The following SLC16A12 variants were observed in gnomAD, a reference collection of about 807,000 sequenced individuals.
The protein encoded by SLC16A12 is monocarboxylate transporter 12.
Under a neutral mutation model 42.4 loss-of-function variants are expected in SLC16A12, and 17 were observed. That is an observed-to-expected ratio of 0.40 (90% CI 0.27 to 0.60). The LOEUF is 0.60. SLC16A12 is among the 20% of genes least tolerant of loss of function. SLC16A12 has a pLI of 0.42. For synonymous variants in SLC16A12, 224 were observed against 229.4 expected (o/e 0.98, Z 0.21); for missense variants, 544 against 623.0 (o/e 0.87, Z 1.35).
rs533725420 is a variant in SLC16A12, at chr10:89,483,108, T to C, written c.-46-20484A>G. ...CTTCCTGGCTTGAAGATGGCCACCT[T>C]TTTTTTTGCAATGTGCTCACGTGGC... On this transcript the variant is annotated intron_variant, in intron 2 of 7. Coordinates refer to ENST00000371790, the MANE Select transcript of SLC16A12 (RefSeq NM_213606.4). Among the ~76,000 whole-genome samples the C allele has an allele frequency of 4.6e-5, 7 of 151,982 alleles. No individual in the cohort carries two copies. The East Asian group carries it at 1.2e-3, about 25-fold the overall frequency.
At chr10:89,518,345 AC>A (rs1843290918) in intron 2 of SLC16A12, among the ~76,000 whole-genome samples, 3 of 152,270 alleles carry the variant, frequency 2.0e-5, no homozygotes, top group Admixed American at 2.0e-4. Flanking sequence ...CCAGCATGCC[AC>A]AAGCCTCACC....
At chr10:89,448,620 G>C (rs146863688) in intron 3 of SLC16A12, among the ~76,000 whole-genome samples, 2,643 of 152,206 alleles carry the variant, frequency 0.017, 79 homozygotes, top group African/African-American at 0.06. Context: ...AATAATAAGA[G>C]CTATTTATGA....
At chr10:89,538,077 C>T (rs1370615166), upstream of SLC16A12, among the ~76,000 whole-genome samples, 1 of 152,260 alleles carries the variant, frequency 6.6e-6, no homozygotes, top group African/African-American at 2.4e-5. Context: ...GACATAGCTG[C>T]TGACAGGCAG....
chr10:89,505,181 T>C (rs569475748), intron 2 of SLC16A12, among the ~76,000 whole-genome samples: 11 of 152,290 alleles, frequency 7.2e-5, no homozygotes, highest in South Asian at 2.1e-4. Context: ...ATAATTATTT[T>C]ATATACTTAT....
chr10:89,445,291 G>A (rs928243053), intron 3 of SLC16A12, among the ~76,000 whole-genome samples: 2 of 152,228 alleles, frequency 1.3e-5, no homozygotes, highest in African/African-American at 2.4e-5. Context: ...GTGGGTCCCT[G>A]ACCCCCGTGT....
At chr10:89,549,734 T>G (rs947614197) in intron 2 of SLC16A12, among the ~76,000 whole-genome samples, 3 of 152,206 alleles carry the variant, frequency 2.0e-5, no homozygotes, top group Non-Finnish European at 4.4e-5. Context: ...CAGACACACC[T>G]TTATTAGCCA....
intron 2 of SLC16A12, among the ~76,000 whole-genome samples, chr10:89,478,476 A>G (rs184723291): frequency 6.6e-6 from 1 of 152,224 alleles, no homozygotes; most frequent in Non-Finnish European, 1.5e-5. Flanking sequence ...GCAGCATTCT[A>G]GGGCTATGGT....
At chr10:89,474,265 C>T (rs1229959142) in intron 2 of SLC16A12, among the ~76,000 whole-genome samples, 1 of 152,116 alleles carries the variant, frequency 6.6e-6, no homozygotes, top group East Asian at 1.9e-4. Context: ...CTGTTTAACT[C>T]CCAGAGCAAG....
intron 2 of SLC16A12, among the ~76,000 whole-genome samples, chr10:89,496,510 C>G (rs1388923479): frequency 6.6e-6 from 1 of 151,974 alleles, no homozygotes; most frequent in Admixed American, 6.6e-5. Context: ...ACTAAGAAAA[C>G]AAGGGGAAAT....
chr10:89,537,761 T>C (rs956128375), upstream of SLC16A12, among the ~76,000 whole-genome samples: 6 of 152,254 alleles, frequency 3.9e-5, no homozygotes, highest in Non-Finnish European at 8.8e-5. Flanking sequence ...TTTAAAGTTT[T>C]GGAGACTAGG....
At chr10:89,542,372 G>A (rs556834763) in intron 2 of SLC16A12, among the ~76,000 whole-genome samples, 4 of 145,662 alleles carry the variant, frequency 2.7e-5, no homozygotes, top group African/African-American at 1.0e-4. Context: ...GTGTGATCTC[G>A]ACTCATGGCA....
intron 2 of SLC16A12, among the ~76,000 whole-genome samples, chr10:89,469,550 T>C (rs527249257): frequency 2.6e-5 from 4 of 152,212 alleles, no homozygotes; most frequent in Non-Finnish European, 4.4e-5. Context: ...TAGAACCACT[T>C]GTTTTGGAAG....
intron 2 of SLC16A12, among the ~76,000 whole-genome samples, chr10:89,498,872 A>C (rs966705955): frequency 2.6e-5 from 4 of 152,220 alleles, no homozygotes; most frequent in Non-Finnish European, 5.9e-5. Flanking sequence ...TAGATCCAAA[A>C]GAGAGATAAC....
chr10:89,473,492 G>A lies in SLC16A12; in HGVS notation c.-46-10868C>T, dbSNP rs377266660. On this transcript the variant is annotated intron_variant, in intron 2 of 7. Coordinates refer to ENST00000371790, the MANE Select transcript of SLC16A12 (RefSeq NM_213606.4). ...AGGGAAAAAAATCTTTATAACTTGG[G>A]AATAGGCAAAGGTTTTTTAGAGAGG... Among the ~76,000 whole-genome samples the A allele has an allele frequency of 3.3e-5, 5 of 152,200 alleles. No homozygotes were observed. The South Asian group carries it at 1.0e-3, about 32-fold the overall frequency.
intron 2 of SLC16A12, among the ~76,000 whole-genome samples, chr10:89,554,002 A>AAGAAAGAAAGAG (rs1244367086): frequency 6.7e-6 from 1 of 149,082 alleles, no homozygotes; most frequent in African/African-American, 2.5e-5. Flanking sequence ...CTCAAAAAGA[A>AAGAAAGAAAGAG]AGAAAGAAAG....
intron 2 of SLC16A12, among the ~76,000 whole-genome samples, chr10:89,486,383 T>A (rs1842740992): frequency 6.6e-6 from 1 of 151,854 alleles, no homozygotes; most frequent in African/African-American, 2.4e-5. Context: ...GTCAAATATA[T>A]AAGTAAACTA....
upstream of SLC16A12, among the ~76,000 whole-genome samples, chr10:89,537,219 T>C (rs1346972227): frequency 6.7e-6 from 1 of 148,834 alleles, no homozygotes; most frequent in Admixed American, 6.8e-5. Flanking sequence ...ACTATGTCGC[T>C]AAGGCTAGAG....
intron 2 of SLC16A12, among the ~76,000 whole-genome samples, chr10:89,551,804 T>C (rs1564606645): frequency 3.9e-5 from 6 of 152,260 alleles, no homozygotes; most frequent in African/African-American, 1.2e-4. Flanking sequence ...TCCTCAGCCA[T>C]GTGGAACTGT....
intron 7 of SLC16A12, 97 bp from the exon 8 acceptor site, chr10:89,433,423 G>A (rs371280127): frequency 2.4e-5 from 30 of 1,250,728 alleles, no homozygotes; most frequent in Middle Eastern, 3.8e-4. Context: ...ATAATAGATC[G>A]ATAGCACCAC....
Sources: allele counts gnomAD v4.1 joint callset (sites outside exome capture counted in the v4.1 genomes callset), GRCh38; gene constraint gnomAD v4.1.1; transcripts MANE v1.5; gene names NCBI Gene and HGNC (gene_info 2026-07-23, HGNC 2026-07-21).